INPP4B: variants seen among roughly 807,000 people sequenced by gnomAD.
INPP4B encodes inositol polyphosphate-4-phosphatase type II B, also known as inositol polyphosphate 4-phosphatase type II.
A neutral mutation model predicts 122.5 loss-of-function variants in INPP4B; 55 were observed. The ratio of observed to expected loss-of-function variants is 0.45; its 90% CI spans 0.36 to 0.56. The LOEUF (loss-of-function observed/expected upper bound fraction) is 0.56. Among genes scored for constraint, INPP4B ranks in the 20% least tolerant of loss-of-function variants. The probability of loss-of-function intolerance (pLI) is 0.00; values close to 1 mark genes in which losing one functional copy is unlikely to be tolerated. For synonymous variants in INPP4B, 403 were observed against 388.7 expected (o/e 1.04, Z -0.43); for missense variants, 1,000 against 1,097.7 (o/e 0.91, Z 1.26).
At chr4:142,471,403 A>G (rs1818802296) in intron 2 of INPP4B, among the ~76,000 whole-genome samples, 2 of 152,320 alleles carry the variant, frequency 1.3e-5, no homozygotes, top group South Asian at 2.1e-4. Flanking sequence ...TTGGCTGTCC[A>G]AAACATTTGG....
At chr4:142,812,313 C>A (rs1342341448) in intron 1 of INPP4B, among the ~76,000 whole-genome samples, 1 of 152,112 alleles carries the variant, frequency 6.6e-6, no homozygotes, top group Non-Finnish European at 1.5e-5. Flanking sequence ...GCCCCAGAAG[C>A]CACACTCCTC....
intron 2 of INPP4B, among the ~76,000 whole-genome samples, chr4:142,572,575 G>T (rs1733061896): frequency 6.6e-6 from 1 of 152,072 alleles, no homozygotes; most frequent in South Asian, 2.1e-4. Flanking sequence ...TTTGTAGTAG[G>T]ATTGGAATGG....
At position 142,149,228 on chromosome 4, in the gene INPP4B, G is replaced by A. The variant is rs1812464733; in HGVS notation, c.1564-3232C>T. Among the ~76,000 whole-genome samples the A allele has an allele frequency of 2.0e-5, 3 of 152,184 alleles. No homozygotes were observed. In the South Asian group the frequency reaches 6.2e-4, roughly 32 times the overall value. On this transcript the variant is annotated intron_variant, in intron 17 of 25. Coordinates refer to ENST00000262992, the MANE Select transcript of INPP4B (RefSeq NM_001101669.3). The stretch of plus-strand genomic sequence containing the variant: ...GGCCTGGCTCTCAGTAATTTTTGTT[G>A]GAGGAAAGGAAGGCAGGTAGAGAAA...
intron 7 of INPP4B, among the ~76,000 whole-genome samples, chr4:142,356,842 G>A (rs1199838294): frequency 6.6e-6 from 1 of 151,878 alleles, no homozygotes; most frequent in Non-Finnish European, 1.5e-5. Context: ...CAAGTTTGGA[G>A]CTTTTAGCCC....
chr4:142,088,977 T>G (rs336316), intron 23 of INPP4B, among the ~76,000 whole-genome samples: 135,960 of 152,182 alleles, frequency 0.89, 62,283 homozygotes, highest in Non-Finnish European at 0.99. Flanking sequence ...TGGTGGGTGT[T>G]GGAGGGCATC....
At chr4:142,311,125 C>T (rs535973236) in intron 8 of INPP4B, among the ~76,000 whole-genome samples, 6 of 152,230 alleles carry the variant, frequency 3.9e-5, no homozygotes, top group East Asian at 1.9e-4. Context: ...GCTCTGTCCT[C>T]GGCCAAGAGC....
At chr4:142,410,669 A>T (rs1238952042) in intron 5 of INPP4B, among the ~76,000 whole-genome samples, 2 of 152,184 alleles carry the variant, frequency 1.3e-5, no homozygotes, top group Non-Finnish European at 2.9e-5. Flanking sequence ...ATGACTTTGG[A>T]TGAATTACTC....
chr4:142,434,649 C>T (rs1053961363), intron 3 of INPP4B, among the ~76,000 whole-genome samples: 17 of 152,232 alleles, frequency 1.1e-4, no homozygotes, highest in African/African-American at 4.1e-4. Flanking sequence ...ATACGGTGAC[C>T]CTGCAGCAGA....
At chr4:142,491,734 A>G (rs1821905492) in intron 2 of INPP4B, among the ~76,000 whole-genome samples, 1 of 152,170 alleles carries the variant, frequency 6.6e-6, no homozygotes, top group Admixed American at 6.5e-5. Flanking sequence ...CAGCTATATG[A>G]AAAAAATGCT....
At chr4:142,576,173 G>A (rs1733789664) in intron 2 of INPP4B, among the ~76,000 whole-genome samples, 1 of 151,732 alleles carries the variant, frequency 6.6e-6, no homozygotes, top group Admixed American at 6.6e-5. Flanking sequence ...TTTACATGAT[G>A]CTGGGATATG....
intron 25 of INPP4B, among the ~76,000 whole-genome samples, chr4:142,070,924 C>T (rs974071866): frequency 1.3e-5 from 2 of 152,140 alleles, no homozygotes; most frequent in African/African-American, 2.4e-5. Context: ...AGGTAATTTA[C>T]AGATTCAATG....
intron 2 of INPP4B, among the ~76,000 whole-genome samples, chr4:142,579,346 T>TTTATC (rs1734516358): frequency 6.6e-6 from 1 of 151,984 alleles, no homozygotes; most frequent in Non-Finnish European, 1.5e-5. Context: ...ATTCAAAGCA[T>TTTATC]AAGAAAGAGA....
chr4:142,215,292 C>T (rs998637995), intron 12 of INPP4B, among the ~76,000 whole-genome samples: 1 of 152,114 alleles, frequency 6.6e-6, no homozygotes, highest in Non-Finnish European at 1.5e-5. Flanking sequence ...AACAAAGAAA[C>T]ACAAGACAAA....
At chr4:142,771,717 C>G (rs954717418) in intron 1 of INPP4B, among the ~76,000 whole-genome samples, 2 of 152,052 alleles carry the variant, frequency 1.3e-5, no homozygotes, top group African/African-American at 4.8e-5. Flanking sequence ...AAGAGAAACT[C>G]TTGTGACCAA....
At chr4:142,265,813 T>C (rs1235481842) in intron 10 of INPP4B, among the ~76,000 whole-genome samples, 1 of 152,192 alleles carries the variant, frequency 6.6e-6, no homozygotes, top group Non-Finnish European at 1.5e-5. Flanking sequence ...GTTAAGTCTT[T>C]TTAAAGTTCA....
chr4:142,551,228 G>A (rs768752484), intron 2 of INPP4B, among the ~76,000 whole-genome samples: 18 of 152,180 alleles, frequency 1.2e-4, no homozygotes, highest in Non-Finnish European at 2.4e-4. Flanking sequence ...CAATCCATGT[G>A]TTTCTGAGGG....
intron 12 of INPP4B, among the ~76,000 whole-genome samples, chr4:142,215,348 A>G (rs1359847975): frequency 1.3e-5 from 2 of 152,210 alleles, no homozygotes; most frequent in African/African-American, 4.8e-5. Context: ...GAGTGTACTT[A>G]ATGAATGTAG....
intron 12 of INPP4B, among the ~76,000 whole-genome samples, 189 bp from the exon 13 acceptor site, chr4:142,209,215 A>G (rs1286335715): frequency 2.6e-5 from 4 of 152,204 alleles, no homozygotes; most frequent in Non-Finnish European, 5.9e-5. Context: ...TAGCTTAACC[A>G]CACAAATAAA....
intron 7 of INPP4B, among the ~76,000 whole-genome samples, chr4:142,378,052 G>T (rs183806620): frequency 1.6e-4 from 25 of 152,230 alleles, no homozygotes; most frequent in Admixed American, 5.2e-4. Flanking sequence ...GCTGATAATT[G>T]CACTACTATT....
Sources: gnomAD v4.1 joint callset for allele counts (sites outside exome capture counted in the v4.1 genomes callset) on GRCh38, gnomAD v4.1.1 for gene constraint, MANE v1.5 for transcripts, NCBI Gene and HGNC (gene_info 2026-07-23, HGNC 2026-07-21) for gene names.